The following TUSC3 variants were observed in gnomAD, a reference collection of about 807,000 sequenced individuals.
TUSC3 encodes dolichyl-diphosphooligosaccharide--protein glycosyltransferase subunit TUSC3.
In TUSC3, 45 loss-of-function variants were observed where a neutral mutation model predicts 44.8. The observed-to-expected ratio is 1.00, with a 90% confidence interval of 0.79 to 1.29. TUSC3 has a LOEUF of 1.29. TUSC3 is among the 50% of genes most tolerant of loss of function. The pLI is 0.00. For synonymous variants in TUSC3, 212 were observed against 152.9 expected (o/e 1.39, Z -2.85); for missense variants, 519 against 437.9 (o/e 1.19, Z -1.65).
the TUSC3 span, among the ~76,000 whole-genome samples, chr8:15,776,259 GGT>G: frequency 2.0e-5 from 3 of 151,986 alleles, no homozygotes; most frequent in African/African-American, 7.2e-5. Flanking sequence ...GTAATGAAAA[GGT>G]GTTTTTATTT....
chr8:15,482,456 T>A (rs951317267), intron 1 of TUSC3, among the ~76,000 whole-genome samples: 9 of 152,238 alleles, frequency 5.9e-5, no homozygotes, highest in African/African-American at 2.2e-4. Flanking sequence ...CACACCTGTT[T>A]AAAGTATGGT....
chr8:15,599,261 A>T (rs1563126624), intron 1 of TUSC3, among the ~76,000 whole-genome samples: 1 of 151,784 alleles, frequency 6.6e-6, no homozygotes, highest in Non-Finnish European at 1.5e-5. Flanking sequence ...TCTTTGGCCC[A>T]TTTTAAAATT....
intron 6 of TUSC3, among the ~76,000 whole-genome samples, chr8:15,715,135 A>C (rs1028682015): frequency 6.6e-6 from 1 of 152,136 alleles, no homozygotes; most frequent in Non-Finnish European, 1.5e-5. Flanking sequence ...ATCTTTATAC[A>C]GTCCACCCTA....
At chr8:15,617,132 GTA>G (rs1554460223) in intron 1 of TUSC3, among the ~76,000 whole-genome samples, 1 of 77,612 alleles carries the variant, frequency 1.3e-5, no homozygotes, top group Non-Finnish European at 2.9e-5. Context: ...GTGTGTGTGT[GTA>G]TATATTTTTT....
intron 1 of TUSC3, among the ~76,000 whole-genome samples, chr8:15,466,764 T>C (rs963874337): frequency 6.6e-6 from 1 of 152,130 alleles, no homozygotes; most frequent in Admixed American, 6.6e-5. Flanking sequence ...GTCATCTTAG[T>C]ATAATTCAGT....
intron 2 of TUSC3, among the ~76,000 whole-genome samples, chr8:15,493,158 AAGT>A (rs1800832673): frequency 6.6e-6 from 1 of 152,228 alleles, no homozygotes; most frequent in Non-Finnish European, 1.5e-5. Flanking sequence ...AACTTATCCA[AAGT>A]GACAAAGTGA....
chr8:15,663,199 A>C (rs553051678), intron 5 of TUSC3, among the ~76,000 whole-genome samples: 1 of 152,012 alleles, frequency 6.6e-6, no homozygotes, highest in African/African-American at 2.4e-5. Context: ...TGTATGAAAT[A>C]TTTATAAATA....
the TUSC3 span, among the ~76,000 whole-genome samples, chr8:15,801,099 G>A: frequency 6.6e-6 from 1 of 152,136 alleles, no homozygotes; most frequent in Non-Finnish European, 1.5e-5. Flanking sequence ...GAAAGTAAAA[G>A]AATAAAAGAA....
intron 1 of TUSC3, among the ~76,000 whole-genome samples, chr8:15,542,686 C>T (rs1362871429): frequency 6.6e-6 from 1 of 152,064 alleles, no homozygotes. Context: ...TAAATTACAG[C>T]AACATGTTTC....
At chr8:15,553,772 G>C (rs1335202051) in intron 1 of TUSC3, among the ~76,000 whole-genome samples, 1 of 151,672 alleles carries the variant, frequency 6.6e-6, no homozygotes, top group African/African-American at 2.4e-5. Context: ...GTGGTAGCTG[G>C]AGAAGAAGCT....
At chr8:15,650,649 A>C in intron 2 of TUSC3, 48 bp from the exon 3 acceptor site, 1 of 1,524,114 alleles carries the variant, frequency 6.6e-7, no homozygotes, top group South Asian at 1.1e-5. Flanking sequence ...TGCTTTGTAG[A>C]TGCTTCAGTA....
At chr8:15,681,504 A>C (rs1323649716) in intron 6 of TUSC3, among the ~76,000 whole-genome samples, 1 of 150,712 alleles carries the variant, frequency 6.6e-6, no homozygotes, top group African/African-American at 2.4e-5. Context: ...TTTCTGTGGC[A>C]TCAGTTGTAA....
At chr8:15,448,660 AAAT>A (rs1478393130) in intron 1 of TUSC3, among the ~76,000 whole-genome samples, 1 of 152,222 alleles carries the variant, frequency 6.6e-6, no homozygotes, top group Non-Finnish European at 1.5e-5. Flanking sequence ...TTGGCTAAAT[AAAT>A]AATGTGTCTA....
intron 4 of TUSC3, 38 bp downstream of exon 4, chr8:15,659,685 G>C (rs763666128): frequency 4.4e-6 from 7 of 1,607,518 alleles, no homozygotes; most frequent in Non-Finnish European, 5.9e-6. Context: ...TAATAGGCTG[G>C]TTAGTTTGTT....
At chr8:15,694,435 C>CAAAAAAAAA (rs146718595) in intron 6 of TUSC3, among the ~76,000 whole-genome samples, 2 of 83,232 alleles carry the variant, frequency 2.4e-5, no homozygotes, top group African/African-American at 1.1e-4. Flanking sequence ...AAACTCCATC[C>CAAAAAAAAA]AAAAAAAAAA....
At chr8:15,574,171 GCA>G (rs1246674857) in intron 1 of TUSC3, among the ~76,000 whole-genome samples, 1 of 152,088 alleles carries the variant, frequency 6.6e-6, no homozygotes, top group Non-Finnish European at 1.5e-5. Flanking sequence ...AGTGTTTTGT[GCA>G]CAGTGAGTGC....
chr8:15,817,922 A>G, the TUSC3 span, among the ~76,000 whole-genome samples: 10 of 152,334 alleles, frequency 6.6e-5, no homozygotes, highest in South Asian at 1.0e-3. Context: ...ACAGACTTCA[A>G]TGATCCCAGA....
the TUSC3 span, among the ~76,000 whole-genome samples, chr8:15,792,639 A>C: frequency 6.6e-6 from 1 of 151,948 alleles, no homozygotes; most frequent in Non-Finnish European, 1.5e-5. Flanking sequence ...TTTTTGAGAC[A>C]GAGCCCTGCT....
rs142580241 is a variant in TUSC3, at chr8:15,687,553, G to C, written c.798+13717G>C. ...GCCGCTCATTCCTTCTTTCCACCTG[G>C]TTTTAATTTTTAGTGTCACCATTTA... is the stretch of plus-strand genomic sequence containing the variant. On this transcript the variant is annotated intron_variant, in intron 6 of 10. Coordinates refer to ENST00000503731, the MANE Select transcript of TUSC3 (RefSeq NM_006765.4). 2.4e-3 allele frequency among the ~76,000 whole-genome samples: 360 copies of C among 152,090 alleles called. 2 individuals are homozygous for C. The highest frequency in any genetic ancestry group is 8.3e-3 in the African/African-American group (346 of 41,466).
Sources: gnomAD v4.1 joint callset for allele counts (sites outside exome capture counted in the v4.1 genomes callset) on GRCh38, gnomAD v4.1.1 for gene constraint, MANE v1.5 for transcripts, NCBI Gene and HGNC (gene_info 2026-07-23, HGNC 2026-07-21) for gene names.